The following ADGRL3 variants were observed in gnomAD, a reference collection of about 807,000 sequenced individuals.
ADGRL3 encodes adhesion G protein-coupled receptor L3, also known as calcium-independent alpha-latrotoxin receptor 3.
Under a neutral mutation model 153.5 loss-of-function variants are expected in ADGRL3, and 62 were observed. The observed-to-expected ratio is 0.40, with a 90% CI of 0.33 to 0.50. The LOEUF is 0.50. ADGRL3 is among the 20% of genes least tolerant of loss of function. The probability of loss-of-function intolerance (pLI) is 0.47; values close to 1 mark genes in which losing one functional copy is unlikely to be tolerated. For synonymous variants in ADGRL3, 710 were observed against 672.5 expected, an observed-to-expected ratio of 1.06 and a Z score of -0.86; for missense variants, 1,641 against 1,859.4, an observed-to-expected ratio of 0.88 and a Z score of 2.16.
At position 61,892,951 on chromosome 4, in the gene ADGRL3, A is replaced by G. The variant is rs2098599085; in HGVS notation, c.1776A>G (p.Gly592=). 1 of 1,519,918 alleles carries G rather than the reference A, an allele frequency of 6.6e-7. No individual in the cohort carries two copies. The highest frequency in any genetic ancestry group is 8.8e-7 in the Non-Finnish European group (1 of 1,137,632). The allele number at this position is 1,519,918 out of a possible 1,614,324, so 94.2% of individuals were successfully genotyped here. The part of the protein sequence containing the change: ...GQIAKQPCPA[G]TIGVSTYLCL... The stretch of plus-strand genomic sequence containing the variant: ...TAGCAAAGCAGCCATGCCCTGCAGG[A>G]ACTATAGGTAAGTCTGTGCTAAAGC... Residue 592 remains glycine, a synonymous_variant, in exon 10 of 27, where the codon GGA becomes GGG. Transcript: ENST00000683033.
At chr4:61,738,914 A>G (rs1019375038) in intron 8 of ADGRL3, among the ~76,000 whole-genome samples, 3 of 152,132 alleles carry the variant, frequency 2.0e-5, no homozygotes, top group Non-Finnish European at 2.9e-5. Flanking sequence ...TTAATTGGCC[A>G]GTTTTTCTTG....
intron 4 of ADGRL3, among the ~76,000 whole-genome samples, chr4:61,556,243 T>G (rs555443996): frequency 1.3e-5 from 2 of 152,192 alleles, no homozygotes; most frequent in South Asian, 4.2e-4. Context: ...TATTGGGAGT[T>G]TGCAAATATA....
At chr4:61,989,030 G>C (rs931992363) in intron 19 of ADGRL3, among the ~76,000 whole-genome samples, 1 of 151,858 alleles carries the variant, frequency 6.6e-6, no homozygotes, top group South Asian at 2.1e-4. Context: ...CTTTCAAAGG[G>C]GTACTTTCTC....
At chr4:61,372,059 G>A (rs531997004) in intron 1 of ADGRL3, among the ~76,000 whole-genome samples, 5 of 152,096 alleles carry the variant, frequency 3.3e-5, no homozygotes, top group African/African-American at 7.2e-5. Flanking sequence ...CGTAGTTCTC[G>A]AGCCTTGGTT....
chr4:61,255,776 C>T (rs1430304518), intron 1 of ADGRL3, among the ~76,000 whole-genome samples: 1 of 152,130 alleles, frequency 6.6e-6, no homozygotes, highest in Non-Finnish European at 1.5e-5. Context: ...CTCATTATTT[C>T]ATTTGAAATA....
At chr4:61,400,096 G>T (rs2096911999) in intron 2 of ADGRL3, among the ~76,000 whole-genome samples, 1 of 151,674 alleles carries the variant, frequency 6.6e-6, no homozygotes, top group African/African-American at 2.4e-5. Context: ...CTACTGGAGT[G>T]CTGATTAAGA....
intron 1 of ADGRL3, among the ~76,000 whole-genome samples, chr4:61,249,121 T>A (rs1051958869): frequency 3.3e-5 from 5 of 152,190 alleles, no homozygotes; most frequent in African/African-American, 1.2e-4. Flanking sequence ...GCATTCAGTC[T>A]GGAAATGAAG....
chr4:61,457,361 TAATTA>T (rs1228854887), intron 2 of ADGRL3, among the ~76,000 whole-genome samples: 1 of 151,982 alleles, frequency 6.6e-6, no homozygotes, highest in Admixed American at 6.6e-5. Flanking sequence ...AATGTTATTT[TAATTA>T]AATCACTTAC....
intron 3 of ADGRL3, among the ~76,000 whole-genome samples, chr4:61,504,582 T>C (rs948879495): frequency 8.5e-5 from 13 of 152,216 alleles, no homozygotes; most frequent in Non-Finnish European, 2.9e-5. Context: ...ATCTTGCTAC[T>C]GAACACTAGA....
At chr4:61,398,242 C>A (rs1170771746) in intron 2 of ADGRL3, among the ~76,000 whole-genome samples, 1 of 150,924 alleles carries the variant, frequency 6.6e-6, no homozygotes. Context: ...GATTTTGAAA[C>A]TTTAAAAAGA....
At chr4:61,221,411 G>A (rs957639309) in intron 1 of ADGRL3, among the ~76,000 whole-genome samples, 2 of 152,076 alleles carry the variant, frequency 1.3e-5, no homozygotes, top group Admixed American at 6.5e-5. Flanking sequence ...GTCAATATTT[G>A]TGTCCTCTTC....
At chr4:61,506,667 G>T (rs1164690881) in intron 3 of ADGRL3, among the ~76,000 whole-genome samples, 1 of 152,108 alleles carries the variant, frequency 6.6e-6, no homozygotes, top group Non-Finnish European at 1.5e-5. Flanking sequence ...ATTGAATAGT[G>T]AGTGACAGAT....
intron 9 of ADGRL3, among the ~76,000 whole-genome samples, chr4:61,844,082 G>A (rs146591269): frequency 1.1e-3 from 163 of 150,004 alleles, no homozygotes; most frequent in African/African-American, 3.5e-3. Flanking sequence ...GGTCTTGCCT[G>A]CTCAAAAATG....
At chr4:61,931,834 C>G (rs2098818794) in intron 13 of ADGRL3, among the ~76,000 whole-genome samples, 1 of 151,998 alleles carries the variant, frequency 6.6e-6, no homozygotes, top group Non-Finnish European at 1.5e-5. Flanking sequence ...AAACTTATAA[C>G]TATGAAAAAA....
At chr4:61,485,121 T>C (rs758192120) in intron 2 of ADGRL3, among the ~76,000 whole-genome samples, 17 of 152,282 alleles carry the variant, frequency 1.1e-4, no homozygotes, top group Non-Finnish European at 2.2e-4. Context: ...TGATATTCTA[T>C]AATGGGCCAT....
intron 21 of ADGRL3, 136 bp downstream of exon 21, chr4:61,998,401 A>G: frequency 2.2e-6 from 1 of 448,942 alleles, no homozygotes; most frequent in Non-Finnish European, 3.9e-6. Flanking sequence ...AAGATTATTG[A>G]TTGACTATCA....
intron 9 of ADGRL3, among the ~76,000 whole-genome samples, chr4:61,842,060 C>T (rs972297841): frequency 6.6e-6 from 1 of 151,936 alleles, no homozygotes; most frequent in African/African-American, 2.4e-5. Flanking sequence ...TTTAAATCTG[C>T]TTTTTTTTAA....
intron 1 of ADGRL3, among the ~76,000 whole-genome samples, chr4:61,274,581 G>A (rs2093371082): frequency 6.6e-6 from 1 of 152,060 alleles, no homozygotes; most frequent in Non-Finnish European, 1.5e-5. Flanking sequence ...ACATATTAAG[G>A]GTTAAAAAAT....
chr4:61,600,387 C>G (rs1011207869), intron 5 of ADGRL3, among the ~76,000 whole-genome samples: 1 of 145,140 alleles, frequency 6.9e-6, no homozygotes, highest in South Asian at 2.2e-4. Context: ...AAAAAGTTGT[C>G]TCCTGGAGCT....
Sources: allele counts gnomAD v4.1 joint callset (sites outside exome capture counted in the v4.1 genomes callset), GRCh38; gene constraint gnomAD v4.1.1; transcripts MANE v1.5; gene names NCBI Gene and HGNC (gene_info 2026-07-23, HGNC 2026-07-21).